DMD: variants seen among roughly 807,000 people sequenced by gnomAD.
DMD encodes mutant dystrophin.
Under a neutral mutation model 330.1 loss-of-function variants are expected in DMD, and 63 were observed. The observed-to-expected ratio is 0.19, with a 90% confidence interval of 0.16 to 0.24. DMD has a LOEUF of 0.24. Among genes scored for constraint, DMD ranks in the 10% least tolerant of loss-of-function variants. The probability of loss-of-function intolerance (pLI) is 1.00; values close to 1 mark genes in which losing one functional copy is unlikely to be tolerated. For missense variants in DMD, 3,344 were observed against 2,684.1 expected (o/e 1.25, Z -5.43); for synonymous variants, 1,223 against 959.8 (o/e 1.27, Z -5.07).
chrX:32,010,317 C>T (rs958230795), intron 44 of DMD, among the ~76,000 whole-genome samples: 3 of 111,660 alleles, frequency 2.7e-5, no homozygotes, highest in African/African-American at 9.8e-5. Context: ...TGCTGTGCTA[C>T]TGCCCGTTTC....
chrX:31,465,687 G>A (rs1055865959), intron 59 of DMD, among the ~76,000 whole-genome samples: 1 of 112,024 alleles, frequency 8.9e-6, no homozygotes, highest in South Asian at 3.7e-4. Context: ...TGTCTTTATA[G>A]TAGAATGATT....
chrX:32,259,507 A>C (rs1381408780), intron 43 of DMD, among the ~76,000 whole-genome samples: 1 of 110,035 alleles, frequency 9.1e-6, no homozygotes, highest in East Asian at 2.8e-4. Context: ...ATATAAAATT[A>C]TTGGTATATT....
chrX:31,263,898 C>T lies in DMD; in HGVS notation c.9225-2882G>A, dbSNP rs959594088. 1.2e-4 allele frequency among the ~76,000 whole-genome samples: 14 copies of T among 112,229 alleles called. No individual in the cohort carries two copies. The East Asian group carries it at 3.1e-3, about 25-fold the overall frequency. The stretch of plus-strand genomic sequence containing the variant: ...ATTTAATGCTAAAAATGCTTGGCAA[C>T]GTAGCCAAAAAACCTTCAGATTCTT... On this transcript the variant is annotated intron_variant, in intron 62 of 78. Coordinates refer to ENST00000357033, the MANE Select transcript of DMD (RefSeq NM_004006.3).
intron 43 of DMD, among the ~76,000 whole-genome samples, chrX:32,232,525 T>C (rs779123673): frequency 9.0e-6 from 1 of 111,590 alleles, no homozygotes; most frequent in East Asian, 2.8e-4. Flanking sequence ...TTTACTGAAC[T>C]GAAATCTGAC....
At chrX:32,567,995 G>A (rs761943262) in intron 15 of DMD, among the ~76,000 whole-genome samples, 42 of 111,900 alleles carry the variant, frequency 3.8e-4, no homozygotes, top group African/African-American at 1.3e-3. Flanking sequence ...AGCCATATGT[G>A]TAAGGCTGAA....
intron 67 of DMD, among the ~76,000 whole-genome samples, chrX:31,188,160 G>C (rs1264543179): frequency 8.9e-6 from 1 of 111,926 alleles, no homozygotes; most frequent in Non-Finnish European, 1.9e-5. Flanking sequence ...CTGAAGACAA[G>C]GTACGGGGAT....
intron 44 of DMD, among the ~76,000 whole-genome samples, chrX:32,133,013 T>C (rs5972495): frequency 8.1e-4 from 43 of 53,330 alleles, no homozygotes; most frequent in East Asian, 3.9e-3. Context: ...TTTTTTTTTT[T>C]TTTTTTTTTT....
At chrX:33,267,654 T>C (rs377612336) in intron 1 of DMD, among the ~76,000 whole-genome samples, 1 of 111,728 alleles carries the variant, frequency 9.0e-6, no homozygotes, top group East Asian at 2.8e-4. Flanking sequence ...AACTTCCAAC[T>C]ATGCTACAAG....
chrX:33,322,385 T>TG (rs1431968333), intron 1 of DMD, among the ~76,000 whole-genome samples: 3 of 91,899 alleles, frequency 3.3e-5, no homozygotes, highest in African/African-American at 8.2e-5. Context: ...GAGACAGATG[T>TG]GGGGGGGTGG....
rs2094301906 is a variant in DMD, at chrX:33,041,556, A to G, written c.32-21356T>C. ...AAAATTATGACATCAAAAAGCAGGC[A>G]GAGATCCTACAAGAATCCCGGATGA... is the stretch of plus-strand genomic sequence containing the variant. On this transcript the variant is annotated intron_variant, in intron 1 of 78. Coordinates refer to ENST00000357033, the MANE Select transcript of DMD (RefSeq NM_004006.3). The G allele has an allele frequency of 3.3e-6, 4 of 1,207,550 alleles. No homozygotes were observed. In the Admixed American group the frequency reaches 8.7e-5, roughly 26 times the overall value.
chrX:31,714,435 T>G (rs1162746823), intron 52 of DMD, among the ~76,000 whole-genome samples: 1 of 112,132 alleles, frequency 8.9e-6, no homozygotes, highest in African/African-American at 3.2e-5. Flanking sequence ...GAATAACAAT[T>G]TTATTAATTT....
intron 52 of DMD, among the ~76,000 whole-genome samples, chrX:31,688,597 G>A (rs1320815236): frequency 9.0e-6 from 1 of 111,642 alleles, no homozygotes; most frequent in African/African-American, 3.3e-5. Flanking sequence ...GAAAAAGAGG[G>A]AATCCTCCCT....
At position 32,386,404 on chromosome X, in the gene DMD, C is replaced by T. The variant is rs2097958484; in HGVS notation, c.4580G>A (p.Arg1527His). Residue 1527 changes from arginine to histidine, a missense_variant, in exon 33 of 79, where the codon CGT becomes CAT. Physicochemically the swap from Arg to His is conservative, Grantham distance 29. Coordinates refer to ENST00000357033, the MANE Select transcript of DMD (RefSeq NM_004006.3). ...SEVEMVIKTG[R>H]QIVQKKQTEN... ...CGTCTGCTTTTTCTGTACAATCTGACGTCCAGTCTTTATCACCATTTCCAC... is the reference window on the plus strand; with the variant it reads ...CGTCTGCTTTTTCTGTACAATCTGATGTCCAGTCTTTATCACCATTTCCAC... 8.3e-7 allele frequency: 1 copy of T among 1,207,873 alleles called. No individual in the cohort carries two copies. The highest frequency in any genetic ancestry group is 1.1e-6 in the Non-Finnish European group (1 of 892,555).
chrX:31,522,363 C>CTCTCTCTCTCTCTCTCTCTCTCTCTA, intron 55 of DMD, among the ~76,000 whole-genome samples: 2 of 35,964 alleles, frequency 5.6e-5, no homozygotes, highest in Admixed American at 4.2e-4. Context: ...CTCTCTCTCT[C>CTCTCTCTCTCTCTCTCTCTCTCTCTA]TATATATATA....
At chrX:31,497,623 C>G (rs2070004038) in intron 56 of DMD, among the ~76,000 whole-genome samples, 2 of 112,071 alleles carry the variant, frequency 1.8e-5, no homozygotes, top group African/African-American at 6.5e-5. Context: ...ATAATTTAGG[C>G]AGGAGACTGA....
intron 41 of DMD, among the ~76,000 whole-genome samples, chrX:32,321,372 T>G (rs5972529): frequency 1.8e-5 from 2 of 109,950 alleles, no homozygotes; most frequent in Non-Finnish European, 1.9e-5. Context: ...TATTTCAAAG[T>G]TATGTGTATC....
intron 16 of DMD, among the ~76,000 whole-genome samples, chrX:32,553,365 C>A (rs924275318): frequency 9.0e-6 from 1 of 110,827 alleles, no homozygotes; most frequent in African/African-American, 3.3e-5. Context: ...ACATTGAGAA[C>A]ACACGGACTC....
intron 67 of DMD, among the ~76,000 whole-genome samples, chrX:31,187,353 T>C (rs1254951369): frequency 1.8e-5 from 2 of 112,414 alleles, no homozygotes; most frequent in South Asian, 7.4e-4. Context: ...CTATTCTTTT[T>C]ACTTCTTCTT....
intron 6 of DMD, 53 bp from the exon 7 acceptor site, chrX:32,809,664 G>T (rs968258992): frequency 6.7e-6 from 7 of 1,037,289 alleles, no homozygotes; most frequent in East Asian, 3.0e-5. Flanking sequence ...AATCAATCTA[G>T]AATGTTCCAT....
Sources: gnomAD v4.1 joint callset for allele counts (sites outside exome capture counted in the v4.1 genomes callset) on GRCh38, gnomAD v4.1.1 for gene constraint, MANE v1.5 for transcripts, NCBI Gene and HGNC (gene_info 2026-07-23, HGNC 2026-07-21) for gene names.